Variants in VTI1A observed in about 807,000 individuals in gnomAD.
VTI1A encodes the protein vesicle transport through interaction with t-SNAREs 1A.
A neutral mutation model predicts 34.9 loss-of-function variants in VTI1A; 22 were observed. The observed-to-expected ratio is 0.63, with a 90% CI of 0.45 to 0.90. The LOEUF is 0.90. VTI1A is among the 40% of genes least tolerant of loss of function. The pLI is 0.00. For synonymous variants in VTI1A, 87 were observed against 97.3 expected (o/e 0.89, Z 0.62); for missense variants, 268 against 275.6 (o/e 0.97, Z 0.20).
chr10:112,789,497 AC>A (rs1287702308), intron 7 of VTI1A, among the ~76,000 whole-genome samples: 2 of 152,114 alleles, frequency 1.3e-5, no homozygotes, highest in Non-Finnish European at 2.9e-5. Context: ...CATCATTTCT[AC>A]CAACATATTT....
intron 7 of VTI1A, among the ~76,000 whole-genome samples, chr10:112,764,480 T>C (rs1370142445): frequency 2.0e-5 from 3 of 152,202 alleles, no homozygotes; most frequent in African/African-American, 7.2e-5. Context: ...AAAATGTTAT[T>C]GTTAATTCTC....
chr10:112,720,809 A>G (rs1170961205), intron 7 of VTI1A, among the ~76,000 whole-genome samples: 1 of 152,218 alleles, frequency 6.6e-6, no homozygotes, highest in Non-Finnish European at 1.5e-5. Context: ...CATTTTACCA[A>G]TTAGGAAAGC....
At chr10:112,485,381 A>G (rs1430421579) in intron 3 of VTI1A, 1 of 152,236 alleles carries the variant, frequency 6.6e-6, no homozygotes, top group East Asian at 1.9e-4. Flanking sequence ...AAAATATGAC[A>G]TGTTCATTGC....
intron 7 of VTI1A, among the ~76,000 whole-genome samples, chr10:112,669,278 G>C (rs1047025345): frequency 6.6e-6 from 1 of 152,126 alleles, no homozygotes; most frequent in Non-Finnish European, 1.5e-5. Flanking sequence ...CCTGAGGAAG[G>C]CCCCATGGGC....
rs1850257135 is a variant in VTI1A, at chr10:112,527,087, A to G, written c.265A>G (p.Lys89Glu). 2 of 1,612,296 alleles carry G rather than the reference A, an allele frequency of 1.2e-6. No individual in the cohort carries two copies. The highest frequency in any genetic ancestry group is 1.3e-5 in the African/African-American group (1 of 74,842). Reference protein sequence around the residue: ...QEMGKLETDFKRSRIAYSDEV... With the variant: ...QEMGKLETDFERSRIAYSDEV... The stretch of plus-strand genomic sequence containing the variant: ...TCTCCCTTTTTGTTTTGTTTTATAG[A>G]AAAGGTCACGGATCGCCTACAGTGA... Residue 89 changes from lysine (K) to glutamate (E), a missense_variant and splice_region_variant, in exon 4 of 8, where the codon AAA (lysine) becomes GAA (glutamate). Coordinates refer to ENST00000393077, the MANE Select transcript of VTI1A (RefSeq NM_145206.4).
intron 7 of VTI1A, among the ~76,000 whole-genome samples, chr10:112,759,812 A>G (rs915694228): frequency 1.3e-5 from 2 of 151,498 alleles, no homozygotes; most frequent in African/African-American, 2.4e-5. Flanking sequence ...TCACTGTTCC[A>G]GCACTCCAGG....
Position 112,568,007 on chromosome 10 carries a change from G to A in VTI1A, c.427+29677G>A, listed in dbSNP as rs7909496. Among the ~76,000 whole-genome samples the A allele has an allele frequency of 7.4e-3, 1,121 of 152,234 alleles. 19 individuals are homozygous for A. Among genetic ancestry groups the A allele is most frequent in the African/African-American group, 0.026 (1,064 of 41,516 alleles). Reference sequence around the variant, plus strand: ...TCGATTTTCGGTACTTGGCAGTTAAGCTTGTGATCATCTCACTTAAAACAA... The same window carrying A: ...TCGATTTTCGGTACTTGGCAGTTAAACTTGTGATCATCTCACTTAAAACAA... On this transcript the variant is annotated intron_variant, in intron 5 of 7. Coordinates refer to ENST00000393077, the MANE Select transcript of VTI1A (RefSeq NM_145206.4).
chr10:112,597,830 C>T (rs1047991041), intron 5 of VTI1A, among the ~76,000 whole-genome samples: 1 of 150,080 alleles, frequency 6.7e-6, no homozygotes, highest in Non-Finnish European at 1.5e-5. Context: ...CCCGAGTAGC[C>T]GGGACCACAG....
At chr10:112,747,559 G>A (rs192153674) in intron 7 of VTI1A, among the ~76,000 whole-genome samples, 15 of 152,300 alleles carry the variant, frequency 9.8e-5, no homozygotes, top group East Asian at 9.6e-4. Context: ...TGACCAAAAC[G>A]TTGTTAGGTG....
At chr10:112,560,252 G>GT (rs1413134993) in intron 5 of VTI1A, among the ~76,000 whole-genome samples, 4 of 152,084 alleles carry the variant, frequency 2.6e-5, no homozygotes, top group African/African-American at 7.2e-5. Flanking sequence ...ACTTACTAGG[G>GT]TTTTTTTAAA....
intron 7 of VTI1A, among the ~76,000 whole-genome samples, chr10:112,689,985 T>G (rs1440848753): frequency 6.6e-6 from 1 of 152,184 alleles, no homozygotes; most frequent in Non-Finnish European, 1.5e-5. Flanking sequence ...GTTTTGCCTT[T>G]TCTAAAATTT....
intron 7 of VTI1A, among the ~76,000 whole-genome samples, chr10:112,680,217 A>G (rs141521887): frequency 1.2e-3 from 180 of 152,340 alleles, no homozygotes; most frequent in African/African-American, 4.2e-3. Flanking sequence ...AAATCAGATC[A>G]TTTGTCAAAA....
intron 5 of VTI1A, among the ~76,000 whole-genome samples, chr10:112,597,989 G>C (rs1347892789): frequency 6.6e-6 from 1 of 152,068 alleles, no homozygotes; most frequent in Non-Finnish European, 1.5e-5. Flanking sequence ...GAGCCACCGC[G>C]CCCGGCCAAG....
At chr10:112,541,782 A>G (rs1426235721) in intron 5 of VTI1A, among the ~76,000 whole-genome samples, 2 of 152,234 alleles carry the variant, frequency 1.3e-5, no homozygotes, top group African/African-American at 2.4e-5. Context: ...GAAAAGGCAC[A>G]TGATTATTCC....
chr10:112,808,614 G>C (rs1317192810), intron 7 of VTI1A, among the ~76,000 whole-genome samples: 1 of 135,336 alleles, frequency 7.4e-6, no homozygotes, highest in Non-Finnish European at 1.5e-5. Flanking sequence ...GACAAAGCGA[G>C]ACTCCATCTC....
At chr10:112,573,753 C>A (rs759638125) in intron 5 of VTI1A, among the ~76,000 whole-genome samples, 6 of 152,310 alleles carry the variant, frequency 3.9e-5, no homozygotes, top group African/African-American at 1.4e-4. Context: ...GACCCAAGAT[C>A]TAGTTGTGAA....
chr10:112,598,277 C>G (rs1317600863), intron 5 of VTI1A, among the ~76,000 whole-genome samples: 1 of 152,118 alleles, frequency 6.6e-6, no homozygotes, highest in Non-Finnish European at 1.5e-5. Context: ...TTATCTAAAG[C>G]GTATGGTTGT....
At chr10:112,580,939 T>C (rs1168684706) in intron 5 of VTI1A, among the ~76,000 whole-genome samples, 1 of 152,180 alleles carries the variant, frequency 6.6e-6, no homozygotes, top group Non-Finnish European at 1.5e-5. Context: ...GTATATAGCC[T>C]GATAGTCCAT....
chr10:112,810,637 C>T (rs192885472), intron 7 of VTI1A, among the ~76,000 whole-genome samples: 52 of 152,276 alleles, frequency 3.4e-4, no homozygotes, highest in African/African-American at 1.1e-3. Flanking sequence ...CAAGCCTGCT[C>T]CTGGTCCAGT....
Sources: gnomAD v4.1 joint callset for allele counts (sites outside exome capture counted in the v4.1 genomes callset) on GRCh38, gnomAD v4.1.1 for gene constraint, MANE v1.5 for transcripts, NCBI Gene and HGNC (gene_info 2026-07-23, HGNC 2026-07-21) for gene names.